Variants in KCNK2 observed in about 807,000 individuals in gnomAD.
KCNK2 encodes the protein potassium two pore domain channel subfamily K member 2.
A neutral mutation model predicts 40.5 loss-of-function variants in KCNK2; 21 were observed. That is an observed-to-expected ratio of 0.52 (90% confidence interval 0.37 to 0.75). The LOEUF (loss-of-function observed/expected upper bound fraction) is 0.75, where lower values mean the gene tolerates loss of function less well. Among genes scored for constraint, KCNK2 ranks in the 30% least tolerant of loss-of-function variants. The pLI, the probability that KCNK2 is intolerant of heterozygous loss-of-function variation, is 0.00. For synonymous variants in KCNK2, 191 were observed against 202.2 expected, an observed-to-expected ratio of 0.94 and a Z score of 0.47; for missense variants, 399 against 531.6, an observed-to-expected ratio of 0.75 and a Z score of 2.45.
chr1:215,045,690 A>AT (rs968960768), intron 1 of KCNK2, among the ~76,000 whole-genome samples: 1 of 152,162 alleles, frequency 6.6e-6, no homozygotes, highest in African/African-American at 2.4e-5. Context: ...GTCTTGAATA[A>AT]TTTTTTTAAA....
chr1:215,143,706 C>T (rs1473723370), intron 3 of KCNK2, among the ~76,000 whole-genome samples: 1 of 152,140 alleles, frequency 6.6e-6, no homozygotes, highest in African/African-American at 2.4e-5. Flanking sequence ...ACTCTGACCT[C>T]TGCCTCTAGT....
intron 2 of KCNK2, among the ~76,000 whole-genome samples, chr1:215,092,932 A>G (rs1659752836): frequency 6.6e-6 from 1 of 152,150 alleles, no homozygotes; most frequent in Non-Finnish European, 1.5e-5. Flanking sequence ...AACAGCTCAG[A>G]CTGATTTCAG....
intron 1 of KCNK2, among the ~76,000 whole-genome samples, chr1:215,056,070 C>T (rs1658147173): frequency 6.6e-6 from 1 of 151,948 alleles, no homozygotes; most frequent in African/African-American, 2.4e-5. Context: ...CTTTGGGAGG[C>T]CAAGGTGAGC....
chr1:215,054,767 C>T (rs1402938707), intron 1 of KCNK2, among the ~76,000 whole-genome samples: 2 of 152,120 alleles, frequency 1.3e-5, no homozygotes, highest in African/African-American at 4.8e-5. Context: ...AATTTTTAGC[C>T]TTTTTCCACA....
chr1:215,083,930 G>C (rs1441207880), intron 1 of KCNK2, among the ~76,000 whole-genome samples: 1 of 152,112 alleles, frequency 6.6e-6, no homozygotes. Flanking sequence ...GGGTAGTGAC[G>C]GTGCTGAGTG....
intron 1 of KCNK2, among the ~76,000 whole-genome samples, chr1:215,007,174 TATGTGTGTGG>T: frequency 1.3e-5 from 1 of 76,300 alleles, no homozygotes; most frequent in Admixed American, 1.6e-4. Context: ...TATATATATG[TATGTGTGTGG>T]GTATATATAT....
chr1:215,232,950 A>G (rs940283382), intron 6 of KCNK2, among the ~76,000 whole-genome samples: 1 of 152,260 alleles, frequency 6.6e-6, no homozygotes, highest in African/African-American at 2.4e-5. Flanking sequence ...GTAAGTGTGC[A>G]TGAAATTTGT....
chr1:215,236,180 T>G lies in KCNK2; in HGVS notation c.*1035T>G, dbSNP rs539493631. ...CAGTGGGTGTGAATTATCATTCTGA[T>G]GGAAAGAAAATAGCAAAACAATGTG... On this transcript the variant is annotated 3_prime_UTR_variant, in exon 7 of 7. Transcript: ENST00000444842. The G allele has an allele frequency of 6.6e-6, 1 of 152,384 alleles. No individual in the cohort carries two copies. The highest frequency in any genetic ancestry group is 6.5e-5 in the Admixed American group (1 of 15,290). The allele number at this position is 152,384 out of a possible 1,614,324, so 9.4% of individuals were successfully genotyped here. A position where few individuals can be genotyped will look rare whatever the true frequency, so the allele number is the denominator to read the frequency against.
Position 215,070,415 on chromosome 1 carries a change from TAAA to T in KCNK2, c.35-15930_35-15928del, listed in dbSNP as rs536258219. Among the ~76,000 whole-genome samples, 574 of 93,570 alleles carry T rather than the reference TAAA, an allele frequency of 6.1e-3. 6 individuals are homozygous for T. Among genetic ancestry groups the T allele is most frequent in the African/African-American group, 0.015 (364 of 24,004 alleles). 61.4% of individuals were successfully genotyped at this position (93,570 alleles called of 152,430 possible). On this transcript the variant is annotated intron_variant, in intron 1 of 6. Transcript: ENST00000391895. ...TGGGCAACAGAGTGAGACCCCGTCT[TAAA>T]AAAAAAAAAAAAAAAAAAAAAAGGA... is the stretch of plus-strand genomic sequence containing the variant.
At chr1:215,162,107 A>G (rs540071764) in intron 3 of KCNK2, among the ~76,000 whole-genome samples, 4 of 152,290 alleles carry the variant, frequency 2.6e-5, no homozygotes, top group South Asian at 4.1e-4. Context: ...CTTTTTAACA[A>G]TCACCATTCT....
chr1:215,052,190 T>C (rs1490857422), intron 1 of KCNK2, among the ~76,000 whole-genome samples: 4 of 151,978 alleles, frequency 2.6e-5, no homozygotes, highest in Admixed American at 6.6e-5. Context: ...TAACACAGGG[T>C]GAAACCGGTG....
intron 3 of KCNK2, among the ~76,000 whole-genome samples, chr1:215,125,399 G>A (rs1661372251): frequency 6.6e-6 from 1 of 152,084 alleles, no homozygotes; most frequent in Admixed American, 6.6e-5. Context: ...TCAACTCACT[G>A]ACACATATGT....
At chr1:215,128,177 C>T (rs1661517382) in intron 3 of KCNK2, among the ~76,000 whole-genome samples, 1 of 152,126 alleles carries the variant, frequency 6.6e-6, no homozygotes, top group African/African-American at 2.4e-5. Context: ...CCTTAGTAGG[C>T]ATTGTCCCAG....
At chr1:215,226,997 A>G (rs1306537512) in intron 6 of KCNK2, among the ~76,000 whole-genome samples, 1 of 152,208 alleles carries the variant, frequency 6.6e-6, no homozygotes, top group Non-Finnish European at 1.5e-5. Context: ...AGATTATCCC[A>G]TCAGAGTCAA....
chr1:215,127,156 T>G (rs928924547), intron 3 of KCNK2, among the ~76,000 whole-genome samples: 2 of 152,088 alleles, frequency 1.3e-5, no homozygotes, highest in Non-Finnish European at 2.9e-5. Flanking sequence ...TTGGGAGGGT[T>G]TTGGAAAATA....
At chr1:215,160,475 G>T (rs1486500567) in intron 3 of KCNK2, among the ~76,000 whole-genome samples, 1 of 152,142 alleles carries the variant, frequency 6.6e-6, no homozygotes, top group East Asian at 1.9e-4. Context: ...AGGAGCACAG[G>T]TTTATTGTAT....
intron 6 of KCNK2, among the ~76,000 whole-genome samples, chr1:215,225,172 A>G (rs959084648): frequency 6.6e-6 from 1 of 152,196 alleles, no homozygotes; most frequent in Non-Finnish European, 1.5e-5. Context: ...ATTTTTATGT[A>G]CTTTGTATAT....
rs142269026 is a variant in KCNK2, at chr1:215,185,293, T to C, written c.824-9660T>C. Among the ~76,000 whole-genome samples, 805 of 152,284 alleles carry C rather than the reference T, an allele frequency of 5.3e-3. 4 individuals are homozygous for C. Among genetic ancestry groups the C allele is most frequent in the African/African-American group, 0.019 (769 of 41,538 alleles). ...CACTATCTCCTTAACTTATATATTT[T>C]TGTGGCTGTGTTGGTCTTTGTGAAG... On this transcript the variant is annotated intron_variant, in intron 5 of 6. Transcript: ENST00000444842.
At chr1:215,186,805 G>A (rs1462441990) in intron 5 of KCNK2, among the ~76,000 whole-genome samples, 1 of 152,116 alleles carries the variant, frequency 6.6e-6, no homozygotes, top group South Asian at 2.1e-4. Context: ...AGTGTTCTGG[G>A]GCTAAAAAGC....
Sources: gnomAD v4.1 joint callset for allele counts (sites outside exome capture counted in the v4.1 genomes callset) on GRCh38, gnomAD v4.1.1 for gene constraint, MANE v1.5 for transcripts, NCBI Gene and HGNC (gene_info 2026-07-23, HGNC 2026-07-21) for gene names.